DNAH14: variants seen among roughly 807,000 people sequenced by gnomAD.
The protein encoded by DNAH14 is dynein axonemal heavy chain 14.
DNAH14 carries 478 observed loss-of-function variants against 520.9 expected under a neutral mutation model. That is an observed-to-expected ratio of 0.92 (90% CI 0.85 to 0.99). The LOEUF (loss-of-function observed/expected upper bound fraction) is 0.99. Ranked by LOEUF, DNAH14 falls within the 50% of genes least tolerant of loss-of-function variation. The pLI is 0.00. For synonymous variants in DNAH14, 1,581 were observed against 1,757.2 expected (o/e 0.90, Z 2.51); for missense variants, 4,831 against 5,234.5 (o/e 0.92, Z 2.38).
chr1:225,338,171 T>C lies in DNAH14; in HGVS notation c.10422T>C (p.Asn3474=). Residue 3474 remains asparagine (N), a synonymous_variant, in exon 68 of 86, where the codon AAT becomes AAC. Transcript: ENST00000682510. The part of the protein sequence containing the change: ...IRVGDAEFEY[N]SNFRLYLSTE... The stretch of plus-strand genomic sequence containing the variant: ...TTGGTGATGCTGAGTTCGAATACAA[T>C]TCAAATTTTAGGTAATGTGCCACAG... The C allele has an allele frequency of 6.4e-7, 1 of 1,551,946 alleles. No individual in the cohort carries two copies. The highest frequency in any genetic ancestry group is 8.7e-7 in the Non-Finnish European group (1 of 1,147,022).
chr1:225,199,430 A>G (rs2086542340), intron 38 of DNAH14, among the ~76,000 whole-genome samples: 1 of 152,012 alleles, frequency 6.6e-6, no homozygotes, highest in Non-Finnish European at 1.5e-5. Context: ...GTGACCTTAG[A>G]AAGTCAGTTT....
chr1:225,288,468 T>C (rs1022532332), intron 54 of DNAH14, among the ~76,000 whole-genome samples: 2 of 152,076 alleles, frequency 1.3e-5, no homozygotes, highest in Non-Finnish European at 2.9e-5. Context: ...CTGAAAAAAG[T>C]ATGGACTTCA....
chr1:225,204,358 T>C, intron 39 of DNAH14, 85 bp downstream of exon 39: 2 of 809,954 alleles, frequency 2.5e-6, no homozygotes, highest in Non-Finnish European at 3.7e-6. Context: ...TGTTTAAACA[T>C]GTTTTTTGAC....
chr1:225,286,620 G>A (rs2093751501), intron 54 of DNAH14, among the ~76,000 whole-genome samples: 1 of 152,126 alleles, frequency 6.6e-6, no homozygotes, highest in South Asian at 2.1e-4. Flanking sequence ...CTCATTCATA[G>A]CTGGTGGGAA....
intron 17 of DNAH14, among the ~76,000 whole-genome samples, chr1:225,062,125 C>T (rs2070225235): frequency 7.5e-6 from 1 of 133,696 alleles, no homozygotes; most frequent in African/African-American, 2.6e-5. Context: ...GTGGTGAAAA[C>T]CCATCTCTAC....
intron 38 of DNAH14, among the ~76,000 whole-genome samples, chr1:225,203,493 G>C (rs1258980136): frequency 2.0e-5 from 3 of 152,016 alleles, no homozygotes; most frequent in Non-Finnish European, 4.4e-5. Flanking sequence ...TTTTCTCCCT[G>C]ACTACTATTG....
intron 36 of DNAH14, among the ~76,000 whole-genome samples, chr1:225,178,377 G>A (rs1046221184): frequency 2.0e-5 from 3 of 152,148 alleles, no homozygotes; most frequent in Admixed American, 1.3e-4. Context: ...GGAGGCAAAA[G>A]CAGAAACCTC....
intron 17 of DNAH14, among the ~76,000 whole-genome samples, chr1:225,062,543 C>A (rs1268213871): frequency 1.4e-5 from 1 of 72,562 alleles, no homozygotes; most frequent in Non-Finnish European, 4.6e-5. Flanking sequence ...AAGAAGGAAG[C>A]TATGAAGAAA....
chr1:224,962,853 G>A (rs181480777), intron 4 of DNAH14, among the ~76,000 whole-genome samples: 89 of 152,000 alleles, frequency 5.9e-4, no homozygotes, highest in African/African-American at 1.8e-3. Context: ...CTCCATTTTC[G>A]AACAGTCTTT....
intron 12 of DNAH14, among the ~76,000 whole-genome samples, chr1:225,039,404 A>T (rs2067246676): frequency 7.7e-6 from 1 of 130,356 alleles, no homozygotes; most frequent in Admixed American, 7.9e-5. Flanking sequence ...ATTTTTTTTT[A>T]GAATTGCCCC....
At chr1:225,064,056 A>G (rs1289825433) in intron 17 of DNAH14, among the ~76,000 whole-genome samples, 4 of 152,098 alleles carry the variant, frequency 2.6e-5, no homozygotes, top group African/African-American at 9.6e-5. Context: ...TATCCAGCAT[A>G]CATAAGGAAG....
intron 79 of DNAH14, among the ~76,000 whole-genome samples, chr1:225,377,865 A>G (rs1210993515): frequency 1.3e-5 from 2 of 152,206 alleles, no homozygotes; most frequent in Non-Finnish European, 2.9e-5. Flanking sequence ...TTTCAAATAT[A>G]TTAATATTCA....
chr1:225,242,884 A>G (rs2092051510), intron 43 of DNAH14, among the ~76,000 whole-genome samples: 1 of 152,338 alleles, frequency 6.6e-6, no homozygotes, highest in Middle Eastern at 3.4e-3. Context: ...TCACTAGGTG[A>G]TAGGAATTTT....
intron 1 of DNAH14, among the ~76,000 whole-genome samples, chr1:224,941,801 C>G (rs1302720854): frequency 2.6e-5 from 4 of 152,142 alleles, no homozygotes; most frequent in Admixed American, 6.5e-5. Flanking sequence ...TCAGGTTTGT[C>G]AAAGATCAGA....
chr1:225,210,229 C>T (rs1393497506), intron 41 of DNAH14, among the ~76,000 whole-genome samples: 3 of 152,088 alleles, frequency 2.0e-5, no homozygotes, highest in Admixed American at 2.0e-4. Flanking sequence ...AGATCCCAAC[C>T]CCAGGGAGCC....
chr1:225,099,119 T>A (rs12095892), intron 22 of DNAH14, among the ~76,000 whole-genome samples: 6,454 of 152,196 alleles, frequency 0.042, 399 homozygotes, highest in African/African-American at 0.14. Flanking sequence ...ATCCCAGAGA[T>A]ATTGGAAGGG....
At chr1:225,185,745 C>A (rs2084623361) in intron 37 of DNAH14, among the ~76,000 whole-genome samples, 1 of 151,466 alleles carries the variant, frequency 6.6e-6, no homozygotes. Context: ...ATTTATATAA[C>A]TTCTCTTCTT....
intron 84 of DNAH14, among the ~76,000 whole-genome samples, chr1:225,393,200 A>G (rs765914598): frequency 7.9e-5 from 12 of 152,338 alleles, no homozygotes; most frequent in Non-Finnish European, 1.6e-4. Flanking sequence ...ATAATGAAAT[A>G]CCATTTTACA....
intron 56 of DNAH14, among the ~76,000 whole-genome samples, chr1:225,301,840 T>G (rs929528803): frequency 6.6e-6 from 1 of 152,050 alleles, no homozygotes. Flanking sequence ...ACTCCACAGT[T>G]GATAGAGAAC....
Sources: gnomAD v4.1 joint callset for allele counts (sites outside exome capture counted in the v4.1 genomes callset) on GRCh38, gnomAD v4.1.1 for gene constraint, MANE v1.5 for transcripts, NCBI Gene and HGNC (gene_info 2026-07-23, HGNC 2026-07-21) for gene names.